ZSWIM7: variants seen among roughly 807,000 people sequenced by gnomAD.
ZSWIM7 encodes zinc finger SWIM-type containing 7, also known as zinc finger SWIM domain-containing protein 7.
Under a neutral mutation model 21.1 loss-of-function variants are expected in ZSWIM7, and 22 were observed. The ratio of observed to expected loss-of-function variants is 1.04; its 90% CI spans 0.74 to 1.49. ZSWIM7 has a LOEUF of 1.49. Among genes scored for constraint, ZSWIM7 ranks in the 40% most tolerant of loss-of-function variants. The probability of loss-of-function intolerance (pLI) is 0.00; values close to 1 mark genes in which losing one functional copy is unlikely to be tolerated. For missense variants in ZSWIM7, 193 were observed against 168.0 expected, an observed-to-expected ratio of 1.15 and a Z score of -0.82; for synonymous variants, 67 against 66.5, an observed-to-expected ratio of 1.01 and a Z score of -0.04.
At chr17:15,984,699 A>C (rs1430758846) in intron 3 of ZSWIM7, among the ~76,000 whole-genome samples, 2 of 152,214 alleles carry the variant, frequency 1.3e-5, no homozygotes, top group African/African-American at 4.8e-5. Flanking sequence ...TGGCCTGTTA[A>C]ATACAGGCTG....
intron 1 of ZSWIM7, among the ~76,000 whole-genome samples, chr17:15,998,716 C>CGATTGCA (rs1970602815): frequency 1.3e-5 from 2 of 150,942 alleles, no homozygotes; most frequent in Admixed American, 6.6e-5. Flanking sequence ...TTTACTCCAA[C>CGATTGCA]GATTGCATAT....
At chr17:15,988,930 G>T (rs1373093053) in intron 2 of ZSWIM7, among the ~76,000 whole-genome samples, 1 of 152,136 alleles carries the variant, frequency 6.6e-6, no homozygotes, top group African/African-American at 2.4e-5. Flanking sequence ...TGAGGCAGGA[G>T]AATCGCTTGA....
At position 15,977,939 on chromosome 17, in the gene ZSWIM7, G is replaced by T; in HGVS notation, c.*108C>A. The stretch of plus-strand genomic sequence containing the variant: ...CTGGAGGGAAAAGGGACAGTAACAT[G>T]AAGTGTCTGAAGATCCATTTCACCT... On this transcript the variant is annotated 3_prime_UTR_variant, in exon 5 of 5. Coordinates refer to ENST00000399277, the MANE Select transcript of ZSWIM7 (RefSeq NM_001042697.2). 1 of 907,830 alleles carries T rather than the reference G, an allele frequency of 1.1e-6. No individual in the cohort carries two copies. The highest frequency in any genetic ancestry group is 1.8e-6 in the Non-Finnish European group (1 of 567,628). The allele number at this position is 907,830 out of a possible 1,614,324, so 56.2% of individuals were successfully genotyped here.
At chr17:15,979,072 G>A (rs1030381484) in intron 4 of ZSWIM7, among the ~76,000 whole-genome samples, 9 of 150,092 alleles carry the variant, frequency 6.0e-5, no homozygotes, top group Non-Finnish European at 1.0e-4. Flanking sequence ...AATAGTGGAG[G>A]GAAGGTCAGC....
intron 4 of ZSWIM7, among the ~76,000 whole-genome samples, chr17:15,979,517 C>T (rs1487722349): frequency 9.2e-5 from 14 of 152,228 alleles, no homozygotes; most frequent in Non-Finnish European, 1.9e-4. Context: ...ACCTCCCAGA[C>T]GGGGTGGTGG....
At chr17:15,994,520 G>A (rs1349678338) in intron 1 of ZSWIM7, among the ~76,000 whole-genome samples, 2 of 152,112 alleles carry the variant, frequency 1.3e-5, no homozygotes, top group African/African-American at 4.8e-5. Flanking sequence ...GACTCTTTTC[G>A]AGTACGTTTG....
intron 3 of ZSWIM7, among the ~76,000 whole-genome samples, chr17:15,986,017 A>G (rs1469542956): frequency 2.0e-5 from 3 of 152,034 alleles, no homozygotes; most frequent in Non-Finnish European, 4.4e-5. Context: ...GAGTAGGACA[A>G]TACCATCCAA....
In ZSWIM7 at chr17:15,977,006, TGTC is replaced by T. The variant is rs1165711681; in HGVS notation, c.*1038_*1040del. 1 of 152,240 alleles carries T rather than the reference TGTC, an allele frequency of 6.6e-6. No homozygotes were observed. Among genetic ancestry groups the T allele is most frequent in the Non-Finnish European group, 1.5e-5 (1 of 68,054 alleles). 9.4% of individuals were successfully genotyped at this position (152,240 alleles called of 1,614,324 possible). A position where few individuals can be genotyped will look rare whatever the true frequency, so the allele number is the denominator to read the frequency against. ...CTAATACTCCTTCTGTCATCTATTTTGTCTTTTCTTCTTCAGACTGAAAATCCC... is the reference window on the plus strand; with the variant it reads ...CTAATACTCCTTCTGTCATCTATTTTTTTTCTTCTTCAGACTGAAAATCCC... On this transcript the variant is annotated 3_prime_UTR_variant, in exon 5 of 5. Transcript: ENST00000399277.
intron 3 of ZSWIM7, among the ~76,000 whole-genome samples, chr17:15,982,481 A>G (rs1359826975): frequency 2.0e-5 from 3 of 152,146 alleles, no homozygotes; most frequent in Non-Finnish European, 4.4e-5. Flanking sequence ...TTTTTGAATT[A>G]CAATGTTAGC....
chr17:15,999,598 G>C lies in ZSWIM7; in HGVS notation c.-4C>G. The C allele has an allele frequency of 6.4e-7, 1 of 1,572,740 alleles. No homozygotes were observed. The highest frequency in any genetic ancestry group is 8.6e-7 in the Non-Finnish European group (1 of 1,160,586). On this transcript the variant is annotated 5_prime_UTR_variant, in exon 1 of 5. Transcript: ENST00000399277. ...CCGCCGGCAACACTACGGCCATCGC[G>C]CCGCAGGACACGCCCTCCACGACCG...
At chr17:15,999,434 C>A (rs1970634959) in intron 1 of ZSWIM7, 85 bp downstream of exon 1, 1 of 1,527,646 alleles carries the variant, frequency 6.5e-7, no homozygotes, top group Admixed American at 1.8e-5. Flanking sequence ...GGCCCGGACA[C>A]CCCGCCTCCT....
At chr17:15,992,051 C>G (rs112909984) in intron 2 of ZSWIM7, among the ~76,000 whole-genome samples, 1 of 151,736 alleles carries the variant, frequency 6.6e-6, no homozygotes, top group African/African-American at 2.4e-5. Flanking sequence ...CTCAGCCCCC[C>G]GAATAGCTGG....
chr17:15,996,624 CAG>C (rs1007386525), intron 1 of ZSWIM7, among the ~76,000 whole-genome samples: 4 of 151,956 alleles, frequency 2.6e-5, no homozygotes, highest in South Asian at 2.1e-4. Context: ...AGGAAGCTGG[CAG>C]AGTCTGTGTG....
At chr17:15,980,074 G>A (rs544750706) in intron 4 of ZSWIM7, among the ~76,000 whole-genome samples, 4 of 149,368 alleles carry the variant, frequency 2.7e-5, no homozygotes, top group East Asian at 2.0e-4. Flanking sequence ...GCGGCTGGCC[G>A]GGCAGAGGGG....
chr17:15,993,968 A>C (rs1970516319), intron 1 of ZSWIM7, 190 bp from the exon 2 acceptor site: 1 of 491,754 alleles, frequency 2.0e-6, no homozygotes, highest in African/African-American at 2.0e-5. Flanking sequence ...TCTTTTTTTG[A>C]GACGGAGTCT....
chr17:15,990,391 G>A (rs1025654620), intron 2 of ZSWIM7, among the ~76,000 whole-genome samples: 1 of 151,558 alleles, frequency 6.6e-6, no homozygotes, highest in Non-Finnish European at 1.5e-5. Context: ...TGTTGCCCAG[G>A]TTGGAGTGCA....
At chr17:15,991,937 T>TG (rs1334464915) in intron 2 of ZSWIM7, among the ~76,000 whole-genome samples, 8 of 149,258 alleles carry the variant, frequency 5.4e-5, no homozygotes, top group African/African-American at 1.8e-4. Context: ...TGTTTTGTTT[T>TG]TTTTTTGAGA....
At chr17:15,993,321 T>C (rs2151629982) in intron 2 of ZSWIM7, among the ~76,000 whole-genome samples, 1 of 151,252 alleles carries the variant, frequency 6.6e-6, no homozygotes, top group South Asian at 2.1e-4. Flanking sequence ...TCACAGTGCC[T>C]GGTAGTAAGA....
intron 2 of ZSWIM7, among the ~76,000 whole-genome samples, chr17:15,990,540 C>T (rs1054239786): frequency 1.3e-4 from 20 of 151,778 alleles, no homozygotes; most frequent in South Asian, 2.1e-4. Context: ...CTACCACACC[C>T]GGCCTAAGTG....
Sources: allele counts gnomAD v4.1 joint callset (sites outside exome capture counted in the v4.1 genomes callset), GRCh38; gene constraint gnomAD v4.1.1; transcripts MANE v1.5; gene names NCBI Gene and HGNC (gene_info 2026-07-23, HGNC 2026-07-21).